Variants in EIF4ENIF1 observed in about 807,000 individuals in gnomAD.
EIF4ENIF1 encodes eukaryotic translation initiation factor 4E nuclear import factor 1, also known as eukaryotic translation initiation factor 4E transporter.
EIF4ENIF1 carries 23 observed loss-of-function variants against 110.5 expected under a neutral mutation model. The ratio of observed to expected loss-of-function variants is 0.21; its 90% CI spans 0.15 to 0.29. The LOEUF (loss-of-function observed/expected upper bound fraction) is 0.29, where lower values mean the gene tolerates loss of function less well. Among genes scored for constraint, EIF4ENIF1 ranks in the 10% least tolerant of loss-of-function variants. The pLI is 1.00. For synonymous variants in EIF4ENIF1, 440 were observed against 437.0 expected, an observed-to-expected ratio of 1.01 and a Z score of -0.09; for missense variants, 1,031 against 1,221.1, an observed-to-expected ratio of 0.84 and a Z score of 2.32.
In EIF4ENIF1 at chr22:31,460,677, T is replaced by C. The variant is rs181556017; in HGVS notation, c.788-2027A>G. 3.5e-3 allele frequency among the ~76,000 whole-genome samples: 528 copies of C among 148,984 alleles called. 1 individual carries two copies. Among genetic ancestry groups the C allele is most frequent in the Non-Finnish European group, 4.2e-3 (286 of 67,546 alleles). On this transcript the variant is annotated intron_variant, in intron 6 of 18. Coordinates refer to ENST00000330125, the MANE Select transcript of EIF4ENIF1 (RefSeq NM_019843.4). Reference sequence around the variant, plus strand: ...AAAAAAAAATAGAGGACTGGCGCAGTGGCTCACGCCTGTAATCCCAGTACT... The same window carrying C: ...AAAAAAAAATAGAGGACTGGCGCAGCGGCTCACGCCTGTAATCCCAGTACT...
intron 17 of EIF4ENIF1, 142 bp from the exon 18 acceptor site, chr22:31,441,010 A>T: frequency 8.6e-7 from 1 of 1,167,670 alleles, no homozygotes; most frequent in Non-Finnish European, 1.2e-6. Context: ...AATCCCCAGC[A>T]CTTTGGGAGG....
At chr22:31,453,609 G>A (rs760205021) in intron 10 of EIF4ENIF1, among the ~76,000 whole-genome samples, 16 of 152,030 alleles carry the variant, frequency 1.1e-4, no homozygotes, top group Non-Finnish European at 7.4e-5. Flanking sequence ...CTGACTTCAG[G>A]TGATCTGCCT....
At position 31,441,918 on chromosome 22, in the gene EIF4ENIF1, GTGT is replaced by G. The variant is rs1484685248; in HGVS notation, c.2404_2406del (p.Thr802del). The G allele has an allele frequency of 4.3e-6, 7 of 1,614,074 alleles. No homozygotes were observed. Among genetic ancestry groups the G allele is most frequent in the Admixed American group, 1.7e-5 (1 of 60,000 alleles). On this transcript the variant is annotated inframe_deletion, in exon 17 of 19. Transcript: ENST00000330125. Reference sequence around the variant, plus strand: ...ACTTGGTGGACAGGGCGGAGAAAAGGTGTTGTAGGAACTGGGGATGCCAAGGTG... The same window carrying G: ...ACTTGGTGGACAGGGCGGAGAAAAGGTGTAGGAACTGGGGATGCCAAGGTG...
At chr22:31,488,444 G>C (rs956474168) in intron 2 of EIF4ENIF1, among the ~76,000 whole-genome samples, 179 bp downstream of exon 2, 1 of 152,002 alleles carries the variant, frequency 6.6e-6, no homozygotes, top group Non-Finnish European at 1.5e-5. Flanking sequence ...CAGCTTAAAC[G>C]CTGGGTATCT....
chr22:31,460,689 G>A (rs1425112132), intron 6 of EIF4ENIF1, among the ~76,000 whole-genome samples: 1 of 143,580 alleles, frequency 7.0e-6, no homozygotes, highest in Non-Finnish European at 1.5e-5. Context: ...GCTCACGCCT[G>A]TAATCCCAGT....
chr22:31,457,229 C>T (rs773318457), intron 7 of EIF4ENIF1, among the ~76,000 whole-genome samples: 45 of 152,108 alleles, frequency 3.0e-4, no homozygotes, highest in Non-Finnish European at 3.2e-4. Context: ...CAAATCCAAC[C>T]TCCATAGTTT....
intron 10 of EIF4ENIF1, among the ~76,000 whole-genome samples, 156 bp downstream of exon 10, chr22:31,453,988 C>T (rs192083144): frequency 9.0e-4 from 137 of 152,012 alleles, no homozygotes; most frequent in African/African-American, 2.9e-3. Context: ...AATAGCATAT[C>T]AATAATTAAG....
intron 17 of EIF4ENIF1, 21 bp downstream of exon 17, chr22:31,441,753 C>G (rs764287067): frequency 6.3e-7 from 1 of 1,591,184 alleles, no homozygotes; most frequent in South Asian, 1.1e-5. Flanking sequence ...TGACGACACC[C>G]AAGTCAGGCT....
In EIF4ENIF1 at chr22:31,448,198, A is replaced by C. The variant is rs544951650; in HGVS notation, c.1803T>G (p.Asp601Glu). Residue 601 changes from aspartate to glutamate, a missense_variant, in exon 13 of 19, where the codon GAT becomes GAG. Coordinates refer to ENST00000330125, the MANE Select transcript of EIF4ENIF1 (RefSeq NM_019843.4). ...TGGGTTTGCGCATGCCTTGGAATGG[A>C]TCTCCGAGTAGCTGCTGTGGTCCTG... ...FTPGPQQLLG[D>E]PFQGMRKPMS... 2 of 1,614,156 alleles carry C rather than the reference A, an allele frequency of 1.2e-6. No individual in the cohort carries two copies. Among genetic ancestry groups the C allele is most frequent in the Admixed American group, 3.3e-5 (2 of 60,018 alleles).
intron 2 of EIF4ENIF1, among the ~76,000 whole-genome samples, chr22:31,475,706 G>C: frequency 6.9e-6 from 1 of 145,730 alleles, no homozygotes; most frequent in South Asian, 2.2e-4. Context: ...CTGGGTGACA[G>C]AGCGAGACTC....
Position 31,464,675 on chromosome 22 carries a change from CAAAAAAAAAAAAA to C in EIF4ENIF1, c.299-721_299-709del, listed in dbSNP as rs770904708. On this transcript the variant is annotated intron_variant, in intron 4 of 18. Coordinates refer to ENST00000330125, the MANE Select transcript of EIF4ENIF1 (RefSeq NM_019843.4). ...TGGGCAAAAGACTAAGATTCAGTCT[CAAAAAAAAAAAAA>C]AAAAAAAAAAAATATATATATATAT... 2.0e-3 allele frequency among the ~76,000 whole-genome samples: 62 copies of C among 30,922 alleles called. 7 individuals carry two copies. Among genetic ancestry groups the C allele is most frequent in the South Asian group, 0.014 (10 of 708 alleles). 20.3% of individuals were successfully genotyped at this position (30,922 alleles called of 152,430 possible). A position where few individuals can be genotyped will look rare whatever the true frequency, so the allele number is the denominator to read the frequency against.
At position 31,440,093 on chromosome 22, in the gene EIF4ENIF1, A is replaced by C. The variant is rs142545364; in HGVS notation, c.2745T>G (p.His915Gln). 5 of 1,614,168 alleles carry C rather than the reference A, an allele frequency of 3.1e-6. No individual in the cohort carries two copies. The South Asian group carries it at 5.5e-5, about 18-fold the overall frequency. ...SVLHPPGSGS[H>Q]AAAVSVQTTP... ...TTGTCTGAACGCTGACAGCTGCTGC[A>C]TGGGAACCAGAGCCTGGAGGATGCA... The change falls in exon 19 of 19, where the codon CAT becomes CAG. Residue 915 changes from histidine to glutamine, a missense_variant. Transcript: ENST00000330125.
intron 2 of EIF4ENIF1, among the ~76,000 whole-genome samples, chr22:31,486,596 T>C (rs2052038740): frequency 1.3e-5 from 2 of 150,020 alleles, no homozygotes; most frequent in Non-Finnish European, 3.0e-5. Context: ...CTGGCCAACA[T>C]GGCAAGATCC....
At chr22:31,487,309 A>G (rs1055382979) in intron 2 of EIF4ENIF1, among the ~76,000 whole-genome samples, 1 of 152,224 alleles carries the variant, frequency 6.6e-6, no homozygotes, top group African/African-American at 2.4e-5. Flanking sequence ...ATCAACCAAG[A>G]ACACTTTACA....
At position 31,453,431 on chromosome 22, in the gene EIF4ENIF1, G is replaced by C. The variant is rs1334518630; in HGVS notation, c.1512+713C>G. The C allele has an allele frequency of 1.4e-5, 5 of 351,138 alleles. No homozygotes were observed. The East Asian group carries it at 3.4e-4, about 24-fold the overall frequency. The allele number at this position is 351,138 out of a possible 1,614,324, so 21.8% of individuals were successfully genotyped here. ...ACTCTGTTGCCCAGCCTGGAGTGCAGTGGCGTGACCTCGGCTCACTGCAAC... is the reference window on the plus strand; with the variant it reads ...ACTCTGTTGCCCAGCCTGGAGTGCACTGGCGTGACCTCGGCTCACTGCAAC... On this transcript the variant is annotated intron_variant, in intron 10 of 18. Coordinates refer to ENST00000330125, the MANE Select transcript of EIF4ENIF1 (RefSeq NM_019843.4).
At chr22:31,488,278 C>A (rs987943091) in intron 2 of EIF4ENIF1, among the ~76,000 whole-genome samples, 1 of 152,118 alleles carries the variant, frequency 6.6e-6, no homozygotes, top group African/African-American at 2.4e-5. Context: ...AACTTTGTAA[C>A]GCATCCTAGG....
chr22:31,440,311 T>G (rs892474638), intron 18 of EIF4ENIF1, among the ~76,000 whole-genome samples, 190 bp from the exon 19 acceptor site: 1 of 152,170 alleles, frequency 6.6e-6, no homozygotes, highest in Non-Finnish European at 1.5e-5. Context: ...ATTCAGAAGC[T>G]ACCAGTATTG....
At chr22:31,439,044 A>T (rs1417707546), downstream of EIF4ENIF1, among the ~76,000 whole-genome samples, 1 of 152,176 alleles carries the variant, frequency 6.6e-6, no homozygotes, top group Non-Finnish European at 1.5e-5. Flanking sequence ...AGAAAAACTT[A>T]ACTTACTTAA....
chr22:31,456,092 G>A (rs1198669274), intron 7 of EIF4ENIF1, 105 bp from the exon 8 acceptor site: 23 of 1,139,176 alleles, frequency 2.0e-5, no homozygotes, highest in African/African-American at 1.2e-4. Flanking sequence ...TTTCATGCTC[G>A]TGACCTGAAG....
Sources: gnomAD v4.1 joint callset for allele counts (sites outside exome capture counted in the v4.1 genomes callset) on GRCh38, gnomAD v4.1.1 for gene constraint, MANE v1.5 for transcripts, NCBI Gene and HGNC (gene_info 2026-07-23, HGNC 2026-07-21) for gene names.